Variants in IFNGR1 observed in about 807,000 individuals in gnomAD.
IFNGR1 encodes interferon gamma receptor 1.
A neutral mutation model predicts 35.4 loss-of-function variants in IFNGR1; 23 were observed. The observed-to-expected ratio is 0.65, with a 90% CI of 0.47 to 0.92. IFNGR1 has a LOEUF of 0.92. Ranked by LOEUF, IFNGR1 falls within the 40% of genes least tolerant of loss-of-function variation. IFNGR1 has a pLI of 0.00. For synonymous variants in IFNGR1, 199 were observed against 209.5 expected (o/e 0.95, Z 0.43); for missense variants, 533 against 583.4 (o/e 0.91, Z 0.89).
rs1361569265 is a variant in IFNGR1, at chr6:137,200,730, G to A, written c.861+151C>T. Reference sequence around the variant, plus strand: ...TACTTGCTGCACAGCAAAAGACACAGTATGTGATTTTGCATGTGTGGTAGA... The same window carrying A: ...TACTTGCTGCACAGCAAAAGACACAATATGTGATTTTGCATGTGTGGTAGA... On this transcript the variant is annotated intron_variant, in intron 6 of 6. Coordinates refer to ENST00000367739, the MANE Select transcript of IFNGR1 (RefSeq NM_000416.3). The A allele has an allele frequency of 9.0e-6, 6 of 666,884 alleles. No individual in the cohort carries two copies. The Admixed American group carries it at 1.3e-4, about 14-fold the overall frequency. The allele number at this position is 666,884 out of a possible 1,614,324, so 41.3% of individuals were successfully genotyped here.
chr6:137,199,079 A>G (rs1246083402), intron 6 of IFNGR1, among the ~76,000 whole-genome samples: 2 of 151,696 alleles, frequency 1.3e-5, no homozygotes, highest in Non-Finnish European at 1.5e-5. Flanking sequence ...AAAAATGTGA[A>G]AAGAGAGACT....
At chr6:137,202,102 G>A (rs1367405432) in intron 5 of IFNGR1, among the ~76,000 whole-genome samples, 1 of 152,050 alleles carries the variant, frequency 6.6e-6, no homozygotes, top group Non-Finnish European at 1.5e-5. Context: ...ACTAATGAAT[G>A]CTTCTATTAC....
At chr6:137,213,564 A>G (rs1779622707) in intron 1 of IFNGR1, among the ~76,000 whole-genome samples, 1 of 152,274 alleles carries the variant, frequency 6.6e-6, no homozygotes, top group African/African-American at 2.4e-5. Flanking sequence ...CAGAAAGCTG[A>G]TAAGCCAGAA....
At chr6:137,202,910 G>A (rs1779320212) in intron 5 of IFNGR1, among the ~76,000 whole-genome samples, 1 of 151,978 alleles carries the variant, frequency 6.6e-6, no homozygotes, top group Admixed American at 6.6e-5. Flanking sequence ...ACACCTGAGA[G>A]TAACAGTTCT....
rs747564587 is a variant in IFNGR1 at position 137,198,360 on chromosome 6, G to T, written c.1141C>A (p.Pro381Thr). ...LTPIERESSS[P>T]LSSNQSEPGS... ...GGTTCAGACTGGTTACTACTTAAAG[G>T]TGAAGAACTCTCTCTCTCTATTGGA... The change falls in exon 7 of 7, where the codon CCT (proline) becomes ACT (threonine). Residue 381 changes from proline to threonine, a missense_variant. Physicochemically the swap from Pro to Thr is conservative, Grantham distance 38. Transcript: ENST00000367739. The T allele has an allele frequency of 6.8e-6, 11 of 1,613,962 alleles. No homozygotes were observed. The highest frequency in any genetic ancestry group is 1.6e-4 in the Middle Eastern group (1 of 6,082).
intron 1 of IFNGR1, among the ~76,000 whole-genome samples, chr6:137,212,536 G>A (rs1296330894): frequency 6.6e-6 from 1 of 152,182 alleles, no homozygotes; most frequent in African/African-American, 2.4e-5. Flanking sequence ...GATTACAGGT[G>A]TGAGCCACCG....
intron 1 of IFNGR1, chr6:137,218,761 A>G (rs1365422611): frequency 5.7e-6 from 2 of 349,626 alleles, no homozygotes; most frequent in Admixed American, 7.7e-5. Flanking sequence ...AAACCCAGAC[A>G]AACCCAGATG....
intron 1 of IFNGR1, chr6:137,209,934 C>A: frequency 2.5e-6 from 1 of 398,634 alleles, no homozygotes; most frequent in Non-Finnish European, 4.4e-6. Flanking sequence ...ACAAAACATA[C>A]CCAACATTTC....
chr6:137,199,522 A>T (rs1364727965), intron 6 of IFNGR1, among the ~76,000 whole-genome samples: 2 of 90,578 alleles, frequency 2.2e-5, no homozygotes, highest in Admixed American at 3.8e-4. Context: ...ATAATATATT[A>T]TATATAATAT....
chr6:137,200,860 T>C (rs372301489), intron 6 of IFNGR1, 21 bp downstream of exon 6: 3 of 1,511,430 alleles, frequency 2.0e-6, no homozygotes, highest in Middle Eastern at 1.9e-4. Context: ...TTAGTGTATA[T>C]AAAAAAATTA....
intron 1 of IFNGR1, chr6:137,215,189 C>T (rs1779661199): frequency 4.0e-6 from 6 of 1,514,114 alleles, no homozygotes; most frequent in Non-Finnish European, 4.4e-6. Flanking sequence ...TGACAATATG[C>T]AAAGTTTTGT....
At chr6:137,213,024 A>C (rs1167846969) in intron 1 of IFNGR1, among the ~76,000 whole-genome samples, 2 of 152,232 alleles carry the variant, frequency 1.3e-5, no homozygotes, top group Non-Finnish European at 2.9e-5. Context: ...TTGTTTTGCC[A>C]AATATTATTT....
rs139083589 is a variant in IFNGR1 at position 137,198,458 on chromosome 6, T to G, written c.1043A>C (p.Glu348Ala). Reference protein sequence around the residue: ...DNPGKVEHTEELSSITEVVTT... With the variant: ...DNPGKVEHTEALSSITEVVTT... ...CACCACTTCTGTTATACTAGAAAGT[T>G]CTTCTGTATGTTCCACTTTTCCTGG... is the stretch of plus-strand genomic sequence containing the variant. The change falls in exon 7 of 7, where the codon GAA becomes GCA. Residue 348 changes from glutamate to alanine, a missense_variant. Transcript: ENST00000367739. 9.9e-6 allele frequency: 16 copies of G among 1,614,062 alleles called. No homozygotes were observed. In the African/African-American group the frequency reaches 2.0e-4, roughly 20 times the overall value.
rs770830551 is a variant in IFNGR1 at position 137,203,629 on chromosome 6, C to A, written c.603G>T (p.Gln201His). The A allele has an allele frequency of 1.9e-6, 3 of 1,612,532 alleles. No individual in the cohort carries two copies. The highest frequency in any genetic ancestry group is 2.5e-6 in the Non-Finnish European group (3 of 1,178,822). The change falls in exon 5 of 7, where the codon CAG becomes CAT. Residue 201 changes from glutamine (Q) to histidine (H), a missense_variant. Gln to His is a conservative substitution (Grantham distance 24). Transcript: ENST00000367739. ...TCAGTGAGGATACTGGAATCGCTAACTGGCACTGAATCTCGTCACAATCAT... is the reference window on the plus strand; with the variant it reads ...TCAGTGAGGATACTGGAATCGCTAAATGGCACTGAATCTCGTCACAATCAT... ...KEDDCDEIQCQLAIPVSSLNS... is the reference protein window; with the variant it reads ...KEDDCDEIQCHLAIPVSSLNS...
At position 137,203,733 on chromosome 6, in the gene IFNGR1, G is replaced by GA. The variant is rs34561084; in HGVS notation, c.547-49dup. The GA allele has an allele frequency of 0.23, 266,973 of 1,171,526 alleles. 5,192 individuals are homozygous for GA. Among genetic ancestry groups the GA allele is most frequent in the East Asian group, 0.36 (13,303 of 36,938 alleles). The allele number at this position is 1,171,526 out of a possible 1,614,324, so 72.6% of individuals were successfully genotyped here. On this transcript the variant is annotated intron_variant, in intron 4 of 6. Coordinates refer to ENST00000367739, the MANE Select transcript of IFNGR1 (RefSeq NM_000416.3). ...GAAAATGCACAGCTTCTTTTAATCT[G>GA]AAAAAAAAAAAAAATCACCATATTA... is the stretch of plus-strand genomic sequence containing the variant.
rs139242185 is a variant in IFNGR1 at position 137,213,815 on chromosome 6, C to A, written c.85+5428G>T. On this transcript the variant is annotated intron_variant, in intron 1 of 6. Transcript: ENST00000367739. ...CATAGCTGGGTGACAGGAACCAGGGCTGCTACCTGAGTCCATCCTGTAACC... is the reference window on the plus strand; with the variant it reads ...CATAGCTGGGTGACAGGAACCAGGGATGCTACCTGAGTCCATCCTGTAACC... Among the ~76,000 whole-genome samples, 40 of 152,322 alleles carry A rather than the reference C, an allele frequency of 2.6e-4. No individual in the cohort carries two copies. The East Asian group carries it at 6.6e-3, about 25-fold the overall frequency.
chr6:137,200,857 A>G (rs1202705696), intron 6 of IFNGR1, 24 bp downstream of exon 6: 1 of 1,496,978 alleles, frequency 6.7e-7, no homozygotes, highest in African/African-American at 1.4e-5. Context: ...TTTTTAGTGT[A>G]TATAAAAAAA....
intron 4 of IFNGR1, 61 bp from the exon 5 acceptor site, chr6:137,203,746 A>G (rs1430922205): frequency 1.6e-6 from 2 of 1,238,108 alleles, no homozygotes; most frequent in Admixed American, 3.7e-5. Context: ...AAAAAAAAAA[A>G]ATCACCATAT....
Position 137,219,313 on chromosome 6 carries a change from A to G in IFNGR1, c.15T>C (p.Phe5=), listed in dbSNP as rs1168486514. The change falls in exon 1 of 7, where the codon TTT becomes TTC. Residue 5 remains phenylalanine (F), a synonymous_variant. Coordinates refer to ENST00000367739, the MANE Select transcript of IFNGR1 (RefSeq NM_000416.3). ...CACCCTGCATGACAAGGGGTAGGAG[A>G]AAGAGGAGAGCCATGCTGCTACCGA... MALL[F]LLPLVMQGVS... The G allele has an allele frequency of 6.2e-7, 1 of 1,609,340 alleles. No individual in the cohort carries two copies. The highest frequency in any genetic ancestry group is 1.3e-5 in the African/African-American group (1 of 74,862).
Sources: gnomAD v4.1 joint callset for allele counts (sites outside exome capture counted in the v4.1 genomes callset) on GRCh38, gnomAD v4.1.1 for gene constraint, MANE v1.5 for transcripts, NCBI Gene and HGNC (gene_info 2026-07-23, HGNC 2026-07-21) for gene names.